The following VOPP1 variants were observed in gnomAD, a reference collection of about 807,000 sequenced individuals.
VOPP1 encodes WW domain binding protein VOPP1.
A neutral mutation model predicts 23.5 loss-of-function variants in VOPP1; 8 were observed. That is an observed-to-expected ratio of 0.34 (90% CI 0.20 to 0.61). The LOEUF is 0.61. VOPP1 is among the 20% of genes least tolerant of loss of function. The probability of loss-of-function intolerance (pLI) is 0.78; values close to 1 mark genes in which losing one functional copy is unlikely to be tolerated. For synonymous variants in VOPP1, 83 were observed against 97.3 expected (o/e 0.85, Z 0.86); for missense variants, 174 against 238.1 (o/e 0.73, Z 1.77).
At chr7:55,463,292 C>T (rs1791551667) in intron 4 of VOPP1, among the ~76,000 whole-genome samples, 1 of 152,152 alleles carries the variant, frequency 6.6e-6, no homozygotes, top group South Asian at 2.1e-4. Flanking sequence ...TTCATTCAAA[C>T]CTGTTCCTAG....
chr7:55,511,299 T>G (rs1795056702), intron 2 of VOPP1, among the ~76,000 whole-genome samples: 1 of 152,166 alleles, frequency 6.6e-6, no homozygotes, highest in Non-Finnish European at 1.5e-5. Flanking sequence ...CGGACGGTAT[T>G]TAGTAGAATA....
At chr7:55,491,950 G>A (rs1225555861) in intron 4 of VOPP1, among the ~76,000 whole-genome samples, 2 of 152,096 alleles carry the variant, frequency 1.3e-5, no homozygotes, top group Non-Finnish European at 2.9e-5. Context: ...AAAATGGCAG[G>A]GGTATTACCG....
intron 1 of VOPP1, among the ~76,000 whole-genome samples, chr7:55,533,446 AC>A (rs2129047580): frequency 2.0e-5 from 3 of 152,274 alleles, no homozygotes; most frequent in African/African-American, 7.2e-5. Flanking sequence ...AGAAAAAAAA[AC>A]AAAAACAAAA....
At chr7:55,509,759 C>G (rs1212478862) in intron 2 of VOPP1, among the ~76,000 whole-genome samples, 1 of 152,210 alleles carries the variant, frequency 6.6e-6, no homozygotes, top group Admixed American at 6.5e-5. Context: ...ATATGACATT[C>G]TCTGCTCAGT....
intron 4 of VOPP1, among the ~76,000 whole-genome samples, chr7:55,474,771 T>C (rs1370582110): frequency 6.6e-6 from 1 of 152,164 alleles, no homozygotes; most frequent in Non-Finnish European, 1.5e-5. Flanking sequence ...AACATGGGCA[T>C]GTCCAGGAGA....
chr7:55,474,308 G>A (rs1394237330), intron 4 of VOPP1, among the ~76,000 whole-genome samples: 3 of 152,168 alleles, frequency 2.0e-5, no homozygotes, highest in Admixed American at 6.5e-5. Context: ...CATGAGTTTC[G>A]CAAGGGCAGA....
intron 1 of VOPP1, among the ~76,000 whole-genome samples, chr7:55,532,086 T>G (rs1290429344): frequency 6.6e-6 from 1 of 152,250 alleles, no homozygotes; most frequent in Non-Finnish European, 1.5e-5. Context: ...TGTGTTGGAT[T>G]CTCTGATGAC....
intron 4 of VOPP1, among the ~76,000 whole-genome samples, chr7:55,487,040 A>G (rs17650793): frequency 0.013 from 2,034 of 152,326 alleles, 19 homozygotes; most frequent in Admixed American, 0.022. Flanking sequence ...AAGCACCGTC[A>G]CGTTGGAAAA....
At chr7:55,560,094 A>G (rs1401940800) in intron 1 of VOPP1, among the ~76,000 whole-genome samples, 2 of 152,246 alleles carry the variant, frequency 1.3e-5, no homozygotes, top group Non-Finnish European at 2.9e-5. Flanking sequence ...CAGAGGTTGT[A>G]GTGAGCCAAG....
intron 4 of VOPP1, among the ~76,000 whole-genome samples, chr7:55,462,086 T>C (rs560444905): frequency 6.6e-6 from 1 of 152,350 alleles, no homozygotes; most frequent in African/African-American, 2.4e-5. Context: ...TCTTTAATTT[T>C]TGAAGGACAA....
chr7:55,500,170 GA>G (rs2129027391), intron 2 of VOPP1, among the ~76,000 whole-genome samples: 1 of 152,274 alleles, frequency 6.6e-6, no homozygotes, highest in African/African-American at 2.4e-5. Flanking sequence ...ACCCCTCAGA[GA>G]ACCCACCCTG....
At chr7:55,494,735 C>A (rs1793827995) in intron 3 of VOPP1, among the ~76,000 whole-genome samples, 1 of 152,146 alleles carries the variant, frequency 6.6e-6, no homozygotes, top group South Asian at 2.1e-4. Flanking sequence ...CCTTGGCCTC[C>A]CAAAGTGCAC....
At chr7:55,530,703 G>C (rs1796450047) in intron 1 of VOPP1, 1 of 152,160 alleles carries the variant, frequency 6.6e-6, no homozygotes, top group Non-Finnish European at 1.5e-5. Context: ...GAGATTTATT[G>C]TAGGCATTAT....
chr7:55,544,471 T>G (rs973685904), intron 1 of VOPP1, among the ~76,000 whole-genome samples: 2 of 152,192 alleles, frequency 1.3e-5, no homozygotes, highest in African/African-American at 4.8e-5. Flanking sequence ...AACATCATGG[T>G]GTCCATCGGA....
chr7:55,568,959 T>G (rs535575435), intron 1 of VOPP1, among the ~76,000 whole-genome samples: 1 of 152,170 alleles, frequency 6.6e-6, no homozygotes, highest in Non-Finnish European at 1.5e-5. Context: ...CTTAGCATTT[T>G]ATGAACCAAA....
At chr7:55,553,407 G>A (rs901838461) in intron 1 of VOPP1, among the ~76,000 whole-genome samples, 16 of 152,066 alleles carry the variant, frequency 1.1e-4, no homozygotes, top group Non-Finnish European at 1.6e-4. Context: ...GGGGAGCAAC[G>A]GGCTGTTTTC....
At chr7:55,485,611 C>T (rs569447546) in intron 4 of VOPP1, among the ~76,000 whole-genome samples, 56 of 152,322 alleles carry the variant, frequency 3.7e-4, no homozygotes, top group African/African-American at 1.3e-3. Flanking sequence ...AGCTGCAGGC[C>T]GGGGACAGCT....
At chr7:55,459,224 C>T (rs919120751) in intron 4 of VOPP1, among the ~76,000 whole-genome samples, 7 of 152,148 alleles carry the variant, frequency 4.6e-5, no homozygotes, top group African/African-American at 1.7e-4. Flanking sequence ...GGGTAAATCA[C>T]ACTTGACCAT....
chr7:55,544,157 A>G (rs1404609936), intron 1 of VOPP1, among the ~76,000 whole-genome samples: 1 of 152,184 alleles, frequency 6.6e-6, no homozygotes. Flanking sequence ...AGCACCATTT[A>G]TTGAAGAGAC....
Sources: gnomAD v4.1 joint callset for allele counts (sites outside exome capture counted in the v4.1 genomes callset) on GRCh38, gnomAD v4.1.1 for gene constraint, MANE v1.5 for transcripts, NCBI Gene and HGNC (gene_info 2026-07-23, HGNC 2026-07-21) for gene names.